Variants in KCNH5 observed in about 807,000 individuals in gnomAD.
KCNH5 encodes the protein potassium voltage-gated channel subfamily H member 5, also known as voltage-gated delayed rectifier potassium channel KCNH5.
A neutral mutation model predicts 96.1 loss-of-function variants in KCNH5; 46 were observed. The observed-to-expected ratio is 0.48, with a 90% CI of 0.38 to 0.61. KCNH5 has a LOEUF of 0.61. Ranked by LOEUF, KCNH5 falls within the 20% of genes least tolerant of loss-of-function variation. The probability of loss-of-function intolerance (pLI) is 0.00; values close to 1 mark genes in which losing one functional copy is unlikely to be tolerated. For synonymous variants in KCNH5, 439 were observed against 449.8 expected (o/e 0.98, Z 0.30); for missense variants, 907 against 1,225.8 (o/e 0.74, Z 3.88).
intron 7 of KCNH5, among the ~76,000 whole-genome samples, chr14:62,883,869 C>T (rs1888541969): frequency 6.6e-6 from 1 of 152,010 alleles, no homozygotes; most frequent in Non-Finnish European, 1.5e-5. Context: ...AATCTTTAAG[C>T]CACAGAGGCA....
intron 7 of KCNH5, among the ~76,000 whole-genome samples, chr14:62,933,453 TTATG>T (rs1382214024): frequency 4.6e-5 from 7 of 151,660 alleles, no homozygotes; most frequent in African/African-American, 1.5e-4. Flanking sequence ...CACATATATA[TTATG>T]TGTGTGTGTG....
Position 62,762,579 on chromosome 14 carries a change from C to T in KCNH5, c.2019+17149G>A, listed in dbSNP as rs143995550. ...TCACCACCATGCTATCAATGGCATG[C>T]ATATGCACAAACCTTCCCATCGTCA... On this transcript the variant is annotated intron_variant, in intron 10 of 10. Coordinates refer to ENST00000322893, the MANE Select transcript of KCNH5 (RefSeq NM_139318.5). 2.9e-3 allele frequency among the ~76,000 whole-genome samples: 438 copies of T among 152,220 alleles called. 1 individual carries two copies. The highest frequency in any genetic ancestry group is 9.8e-3 in the African/African-American group (406 of 41,532).
At chr14:62,894,654 T>A (rs1022507986) in intron 7 of KCNH5, among the ~76,000 whole-genome samples, 1 of 152,336 alleles carries the variant, frequency 6.6e-6, no homozygotes, top group African/African-American at 2.4e-5. Flanking sequence ...ATCCAACCAA[T>A]TCTATATAGC....
intron 10 of KCNH5, among the ~76,000 whole-genome samples, chr14:62,723,799 G>A (rs1884865698): frequency 6.6e-6 from 1 of 152,218 alleles, no homozygotes; most frequent in South Asian, 2.1e-4. Context: ...TCAGAATAGT[G>A]TAGCTATTCC....
At chr14:62,914,863 C>T (rs910998622) in intron 7 of KCNH5, among the ~76,000 whole-genome samples, 2 of 152,250 alleles carry the variant, frequency 1.3e-5, no homozygotes, top group African/African-American at 4.8e-5. Context: ...ACGTGCATAC[C>T]TCGCCATGTG....
chr14:62,975,963 G>T (rs1248530217), intron 6 of KCNH5, among the ~76,000 whole-genome samples: 1 of 151,884 alleles, frequency 6.6e-6, no homozygotes, highest in Non-Finnish European at 1.5e-5. Flanking sequence ...AGCAAATTTA[G>T]CTATAATAGT....
At chr14:62,823,899 A>G (rs1342168582) in intron 8 of KCNH5, among the ~76,000 whole-genome samples, 3 of 151,954 alleles carry the variant, frequency 2.0e-5, no homozygotes, top group Non-Finnish European at 2.9e-5. Context: ...CTTATTTGTT[A>G]TTTAAAAACA....
At chr14:62,745,708 C>T (rs138546701) in intron 10 of KCNH5, among the ~76,000 whole-genome samples, 39 of 152,190 alleles carry the variant, frequency 2.6e-4, no homozygotes, top group Middle Eastern at 3.4e-3. Flanking sequence ...GCCATCCTGC[C>T]TGGAGGGATG....
At chr14:62,995,897 G>A (rs1890897715) in intron 4 of KCNH5, among the ~76,000 whole-genome samples, 1 of 151,558 alleles carries the variant, frequency 6.6e-6, no homozygotes, top group South Asian at 2.1e-4. Flanking sequence ...CCAATTTTTG[G>A]TTGGGAAAAA....
intron 1 of KCNH5, among the ~76,000 whole-genome samples, chr14:63,038,607 C>A (rs531363947): frequency 4.6e-5 from 7 of 152,044 alleles, no homozygotes; most frequent in African/African-American, 1.4e-4. Context: ...TTTTGTCAAC[C>A]TAATATATCA....
rs371931969 is a variant in KCNH5 at position 63,041,920 on chromosome 14, T to G, written c.73+3194A>C. On this transcript the variant is annotated intron_variant, in intron 1 of 10. Transcript: ENST00000322893. ...TTCTGGGAAACTGCATCTGAGGAGTTTGGAACTTTATTAAGAAATCCTCAG... is the reference window on the plus strand; with the variant it reads ...TTCTGGGAAACTGCATCTGAGGAGTGTGGAACTTTATTAAGAAATCCTCAG... 9.9e-5 allele frequency among the ~76,000 whole-genome samples: 15 copies of G among 152,284 alleles called. No homozygotes were observed. In the East Asian group the frequency reaches 2.9e-3, roughly 29 times the overall value.
intron 4 of KCNH5, among the ~76,000 whole-genome samples, chr14:63,000,579 G>A (rs1460929860): frequency 2.6e-5 from 4 of 152,102 alleles, no homozygotes; most frequent in African/African-American, 9.7e-5. Context: ...ATCTACTCTA[G>A]GGACTACACA....
intron 8 of KCNH5, among the ~76,000 whole-genome samples, chr14:62,823,875 A>G (rs1466595230): frequency 1.3e-5 from 2 of 151,744 alleles, no homozygotes; most frequent in African/African-American, 4.8e-5. Context: ...CCCTAAATCT[A>G]CTCATTATTT....
intron 7 of KCNH5, among the ~76,000 whole-genome samples, chr14:62,923,301 A>G (rs900156748): frequency 2.6e-5 from 4 of 151,930 alleles, no homozygotes; most frequent in Admixed American, 2.0e-4. Flanking sequence ...ACTATAAAAC[A>G]GTGGTGAAAG....
At chr14:62,906,103 A>G (rs1403647557) in intron 7 of KCNH5, among the ~76,000 whole-genome samples, 2 of 152,258 alleles carry the variant, frequency 1.3e-5, no homozygotes, top group East Asian at 3.8e-4. Context: ...TTTAATATCT[A>G]GACCACAATC....
At chr14:62,879,224 A>G (rs1468106314) in intron 7 of KCNH5, among the ~76,000 whole-genome samples, 1 of 152,226 alleles carries the variant, frequency 6.6e-6, no homozygotes, top group African/African-American at 2.4e-5. Flanking sequence ...TATGTTGGAG[A>G]GAATACAGAG....
At chr14:62,789,637 TG>T (rs1886390711) in intron 9 of KCNH5, among the ~76,000 whole-genome samples, 1 of 151,966 alleles carries the variant, frequency 6.6e-6, no homozygotes, top group African/African-American at 2.4e-5. Context: ...AGGTGTGAGG[TG>T]ATATCTCATA....
At chr14:62,920,381 T>A (rs1450648703) in intron 7 of KCNH5, among the ~76,000 whole-genome samples, 1 of 152,030 alleles carries the variant, frequency 6.6e-6, no homozygotes, top group Non-Finnish European at 1.5e-5. Context: ...ATGGGAAAAA[T>A]GAACCTTTCA....
rs145904997 is a variant in KCNH5, at chr14:63,005,769, T to C, written c.304+597A>G. ...TATATCACCAGATATTATGTCATTA[T>C]ATAATGCATACCTTACCACATACAA... is the stretch of plus-strand genomic sequence containing the variant. On this transcript the variant is annotated intron_variant, in intron 3 of 10. Transcript: ENST00000322893. 2.5e-3 allele frequency among the ~76,000 whole-genome samples: 382 copies of C among 152,342 alleles called. 1 individual carries two copies. The highest frequency in any genetic ancestry group is 4.5e-3 in the Non-Finnish European group (304 of 68,024).
Sources: allele counts gnomAD v4.1 joint callset (sites outside exome capture counted in the v4.1 genomes callset), GRCh38; gene constraint gnomAD v4.1.1; transcripts MANE v1.5; gene names NCBI Gene and HGNC (gene_info 2026-07-23, HGNC 2026-07-21).